Variants in FNDC3B observed in about 807,000 individuals in gnomAD.
The protein encoded by FNDC3B is fibronectin type III domain-containing protein 3B.
Under a neutral mutation model 151.5 loss-of-function variants are expected in FNDC3B, and 12 were observed. The observed-to-expected ratio is 0.08, with a 90% CI of 0.05 to 0.13. The LOEUF is 0.13. Among genes scored for constraint, FNDC3B ranks in the 10% least tolerant of loss-of-function variants. FNDC3B has a pLI of 1.00. For synonymous variants in FNDC3B, 528 were observed against 549.0 expected (o/e 0.96, Z 0.54); for missense variants, 1,214 against 1,505.3 (o/e 0.81, Z 3.20).
chr3:172,306,336 T>G (rs1376165081), intron 9 of FNDC3B, among the ~76,000 whole-genome samples: 1 of 152,216 alleles, frequency 6.6e-6, no homozygotes, highest in Non-Finnish European at 1.5e-5. Context: ...TGATCCAAAT[T>G]TCTAACTGTG....
chr3:172,163,275 A>G (rs1392971781), intron 3 of FNDC3B, among the ~76,000 whole-genome samples: 1 of 143,736 alleles, frequency 7.0e-6, no homozygotes, highest in African/African-American at 2.5e-5. Flanking sequence ...TATCTCATAT[A>G]AGGAAAAAAA....
intron 3 of FNDC3B, among the ~76,000 whole-genome samples, chr3:172,182,671 T>C (rs975974055): frequency 2.6e-5 from 4 of 152,196 alleles, no homozygotes; most frequent in Admixed American, 1.3e-4. Flanking sequence ...CAACATAGAA[T>C]CTTAAGAAGT....
chr3:172,111,934 C>A (rs184787119), intron 1 of FNDC3B, among the ~76,000 whole-genome samples: 1 of 152,236 alleles, frequency 6.6e-6, no homozygotes, highest in East Asian at 1.9e-4. Flanking sequence ...TTCGTTTATA[C>A]TTCTTTGTCC....
intron 4 of FNDC3B, among the ~76,000 whole-genome samples, chr3:172,232,851 C>T (rs1420288040): frequency 6.6e-6 from 1 of 152,178 alleles, no homozygotes; most frequent in East Asian, 1.9e-4. Context: ...CATATGTGAA[C>T]ACCTACTTGA....
intron 1 of FNDC3B, among the ~76,000 whole-genome samples, chr3:172,053,229 A>T (rs1007273448): frequency 1.3e-5 from 2 of 152,192 alleles, no homozygotes; most frequent in Non-Finnish European, 2.9e-5. Flanking sequence ...GAGTGCCCCC[A>T]TAAGTGTTTA....
intron 10 of FNDC3B, among the ~76,000 whole-genome samples, chr3:172,309,243 T>C (rs1451041642): frequency 6.6e-6 from 1 of 152,216 alleles, no homozygotes; most frequent in Non-Finnish European, 1.5e-5. Flanking sequence ...GGGAACATTC[T>C]CTGGCTGCCA....
At chr3:172,146,536 C>T (rs750567010) in intron 3 of FNDC3B, among the ~76,000 whole-genome samples, 6 of 152,138 alleles carry the variant, frequency 3.9e-5, no homozygotes, top group Non-Finnish European at 8.8e-5. Context: ...GAAAAGCTCC[C>T]GGGCCATTTG....
At chr3:172,320,743 G>A (rs1379880756) in intron 11 of FNDC3B, among the ~76,000 whole-genome samples, 1 of 152,188 alleles carries the variant, frequency 6.6e-6, no homozygotes, top group Admixed American at 6.5e-5. Context: ...GGAAAACACT[G>A]TAGCCTGAAT....
chr3:172,144,673 A>G (rs1045003884), intron 3 of FNDC3B, among the ~76,000 whole-genome samples: 13 of 152,064 alleles, frequency 8.5e-5, no homozygotes, highest in African/African-American at 2.9e-4. Flanking sequence ...TTGGACACAC[A>G]TTAAGAGTAA....
intron 1 of FNDC3B, among the ~76,000 whole-genome samples, chr3:172,044,835 A>C (rs765682933): frequency 1.1e-4 from 16 of 152,246 alleles, no homozygotes; most frequent in Non-Finnish European, 1.9e-4. Context: ...AATGTACTAT[A>C]ATCTTAAGGC....
chr3:172,229,593 T>C (rs563265291), intron 4 of FNDC3B, among the ~76,000 whole-genome samples: 23 of 152,306 alleles, frequency 1.5e-4, no homozygotes, highest in African/African-American at 5.1e-4. Context: ...TCCCTCCCTG[T>C]CATAGAATAA....
intron 4 of FNDC3B, among the ~76,000 whole-genome samples, chr3:172,241,606 A>T (rs1397189252): frequency 6.6e-6 from 1 of 152,080 alleles, no homozygotes; most frequent in Non-Finnish European, 1.5e-5. Flanking sequence ...CTGTTTTTCA[A>T]AACCATCGGA....
At position 172,315,983 on chromosome 3, in the gene FNDC3B, CCTT is replaced by C. The variant is rs1393910190; in HGVS notation, c.1254+5109_1254+5111del. Among the ~76,000 whole-genome samples, 211 of 149,984 alleles carry C rather than the reference CCTT, an allele frequency of 1.4e-3. 1 individual carries two copies. The highest frequency in any genetic ancestry group is 5.1e-3 in the African/African-American group (209 of 40,936). ...ATTGACCCTGCATTGCTTCTCTTTT[CCTT>C]CTTCTTTCTTCTTCTTTTTTTTTTT... On this transcript the variant is annotated intron_variant, in intron 11 of 25. Coordinates refer to ENST00000415807, the MANE Select transcript of FNDC3B (RefSeq NM_022763.4).
At chr3:172,159,288 A>C (rs1441315110) in intron 3 of FNDC3B, among the ~76,000 whole-genome samples, 1 of 152,144 alleles carries the variant, frequency 6.6e-6, no homozygotes, top group Non-Finnish European at 1.5e-5. Context: ...TCAAAAAAGA[A>C]AATTATTTGG....
chr3:172,397,676 T>TAAA lies in FNDC3B; in HGVS notation c.*207_*209dup, dbSNP rs1483514555. ...AAAGGTTAAACTGGATTTTTTTTTTTAAAAAAAAGAAAAAAAAAGAAGAAA... is the reference window on the plus strand; with the variant it reads ...AAAGGTTAAACTGGATTTTTTTTTTTAAAAAAAAAAAGAAAAAAAAAGAAGAAA... On this transcript the variant is annotated 3_prime_UTR_variant, in exon 26 of 26. Coordinates refer to ENST00000415807, the MANE Select transcript of FNDC3B (RefSeq NM_022763.4). 3.2e-3 allele frequency: 1,073 copies of TAAA among 330,532 alleles called. 7 individuals carry two copies. The highest frequency in any genetic ancestry group is 0.016 in the East Asian group (327 of 21,030). The allele number at this position is 330,532 out of a possible 1,614,324, so 20.5% of individuals were successfully genotyped here. A position where few individuals can be genotyped will look rare whatever the true frequency, so the allele number is the denominator to read the frequency against.
intron 2 of FNDC3B, among the ~76,000 whole-genome samples, chr3:172,125,480 T>C (rs531073165): frequency 1.3e-5 from 2 of 152,090 alleles, no homozygotes; most frequent in African/African-American, 4.8e-5. Flanking sequence ...TAGGTAGAGA[T>C]AGTAGAGGTA....
intron 13 of FNDC3B, 136 bp from the exon 14 acceptor site, chr3:172,332,953 C>T: frequency 1.4e-6 from 1 of 725,584 alleles, no homozygotes; most frequent in Non-Finnish European, 2.5e-6. Context: ...TGATTTTTCT[C>T]TTTTGCGGTA....
chr3:172,075,724 A>AACAC (rs57920659), intron 1 of FNDC3B, among the ~76,000 whole-genome samples: 1,523 of 146,912 alleles, frequency 0.01, 11 homozygotes, highest in South Asian at 0.016. Flanking sequence ...TAGCCCAGTA[A>AACAC]ACACACACAC....
chr3:172,263,802 C>T (rs1223548448), intron 6 of FNDC3B, among the ~76,000 whole-genome samples: 1 of 152,104 alleles, frequency 6.6e-6, no homozygotes, highest in Non-Finnish European at 1.5e-5. Context: ...TCATCTACAA[C>T]ATTACGCATG....
Sources: allele counts gnomAD v4.1 joint callset (sites outside exome capture counted in the v4.1 genomes callset), GRCh38; gene constraint gnomAD v4.1.1; transcripts MANE v1.5; gene names NCBI Gene and HGNC (gene_info 2026-07-23, HGNC 2026-07-21).